The following XPO6 variants were observed in gnomAD, a reference collection of about 807,000 sequenced individuals.
XPO6 encodes the protein exportin 6, also known as exportin-6.
In XPO6, 3 loss-of-function variants were observed where a neutral mutation model predicts 130.0. The ratio of observed to expected loss-of-function variants is 0.02; its 90% CI spans 0.01 to 0.06. The LOEUF (loss-of-function observed/expected upper bound fraction) is 0.06. Among genes scored for constraint, XPO6 ranks in the 10% least tolerant of loss-of-function variants. The pLI is 1.00. For missense variants in XPO6, 970 were observed against 1,393.0 expected (o/e 0.70, Z 4.83); for synonymous variants, 524 against 548.9 (o/e 0.95, Z 0.63).
intron 1 of XPO6, among the ~76,000 whole-genome samples, chr16:28,193,683 C>T (rs575613160): frequency 4.9e-4 from 75 of 152,222 alleles, no homozygotes; most frequent in Non-Finnish European, 8.5e-4. Flanking sequence ...AACAGGTACT[C>T]GGCCAATAAC....
chr16:28,178,504 T>C (rs2043566115), intron 2 of XPO6, among the ~76,000 whole-genome samples: 1 of 151,786 alleles, frequency 6.6e-6, no homozygotes. Context: ...TTGCCCAGGC[T>C]GGTCTTTAAC....
At chr16:28,128,813 C>T (rs1957044299) in intron 12 of XPO6, among the ~76,000 whole-genome samples, 1 of 152,152 alleles carries the variant, frequency 6.6e-6, no homozygotes. Flanking sequence ...TGTGATTGCT[C>T]ATCACCCCTG....
chr16:28,166,512 T>C lies in XPO6; in HGVS notation c.639A>G (p.Glu213=). The C allele has an allele frequency of 6.3e-7, 1 of 1,586,226 alleles. No homozygotes were observed. The change falls in exon 6 of 24, where the codon GAA becomes GAG. Residue 213 remains glutamate, a synonymous_variant. Transcript: ENST00000304658. ...ATPPPSPTSG[E]SGDLLSNLLQ... ...TGGCTGGCAGGCAGACCATACCACT[T>C]TCTCCTGAGGTCGGGGATGGTGGTG...
chr16:28,140,142 G>T (rs1379527215), intron 9 of XPO6, among the ~76,000 whole-genome samples: 1 of 149,908 alleles, frequency 6.7e-6, no homozygotes, highest in Non-Finnish European at 1.5e-5. Context: ...TGAGGCAGGA[G>T]AATCGCTTGA....
intron 4 of XPO6, among the ~76,000 whole-genome samples, chr16:28,174,613 A>C (rs973426409): frequency 3.3e-5 from 5 of 152,234 alleles, no homozygotes; most frequent in Non-Finnish European, 5.9e-5. Context: ...AGCACTGTAC[A>C]AAACAAAACT....
intron 14 of XPO6, among the ~76,000 whole-genome samples, chr16:28,118,130 C>T (rs1426498384): frequency 6.6e-6 from 1 of 152,154 alleles, no homozygotes; most frequent in African/African-American, 2.4e-5. Flanking sequence ...AATTACCTTT[C>T]GGTAATAATT....
intron 23 of XPO6, among the ~76,000 whole-genome samples, chr16:28,098,994 C>T (rs2086593315): frequency 6.6e-6 from 1 of 152,226 alleles, no homozygotes; most frequent in African/African-American, 2.4e-5. Context: ...AAGCTGGCCC[C>T]AGCTCACACT....
rs552817583 is a variant in XPO6, at chr16:28,209,477, T to C, written c.3+1889A>G. On this transcript the variant is annotated intron_variant, in intron 1 of 23. Coordinates refer to ENST00000304658, the MANE Select transcript of XPO6 (RefSeq NM_015171.4). ...CAACATGGTGAAACCCCATCTCTACTAAAAATACAAAATTTAGCCGGGCAT... is the reference window on the plus strand; with the variant it reads ...CAACATGGTGAAACCCCATCTCTACCAAAAATACAAAATTTAGCCGGGCAT... Among the ~76,000 whole-genome samples, 10 of 151,866 alleles carry C rather than the reference T, an allele frequency of 6.6e-5. No individual in the cohort carries two copies. The East Asian group carries it at 1.2e-3, about 18-fold the overall frequency.
intron 7 of XPO6, chr16:28,153,106 G>C: frequency 9.6e-7 from 1 of 1,042,524 alleles, no homozygotes; most frequent in South Asian, 3.2e-5. Flanking sequence ...TTGATGGGCA[G>C]ATCACTGTGT....
chr16:28,113,283 T>TC (rs1236817441), intron 15 of XPO6, among the ~76,000 whole-genome samples: 4 of 152,270 alleles, frequency 2.6e-5, no homozygotes, highest in Non-Finnish European at 5.9e-5. Context: ...TCCTTCACAG[T>TC]CACCAGCAGC....
At chr16:28,148,488 G>C (rs2043024350) in intron 8 of XPO6, among the ~76,000 whole-genome samples, 1 of 152,152 alleles carries the variant, frequency 6.6e-6, no homozygotes, top group Non-Finnish European at 1.5e-5. Context: ...AATGGACCTA[G>C]ACCCCAATTT....
intron 6 of XPO6, among the ~76,000 whole-genome samples, chr16:28,162,476 G>A (rs1596910309): frequency 6.6e-6 from 1 of 151,996 alleles, no homozygotes. Context: ...GCAGCGATAC[G>A]CACCAATGCC....
chr16:28,159,621 CAT>C (rs756813650), intron 6 of XPO6, among the ~76,000 whole-genome samples: 3 of 152,166 alleles, frequency 2.0e-5, no homozygotes, highest in Non-Finnish European at 4.4e-5. Flanking sequence ...CATCAAATTA[CAT>C]AGAGACTCAA....
At chr16:28,125,578 A>G in intron 13 of XPO6, 111 bp downstream of exon 13, 1 of 1,400,482 alleles carries the variant, frequency 7.1e-7, no homozygotes, top group Non-Finnish European at 9.6e-7. Context: ...CAGAGCCTAG[A>G]TTTACCCGGG....
intron 1 of XPO6, among the ~76,000 whole-genome samples, chr16:28,199,290 T>C (rs982524102): frequency 3.3e-5 from 5 of 152,230 alleles, no homozygotes; most frequent in Admixed American, 3.3e-4. Flanking sequence ...CAATTTATCT[T>C]TCTCTAAAAA....
chr16:28,202,246 AAAGT>A (rs1567652534), intron 1 of XPO6, among the ~76,000 whole-genome samples: 1 of 152,234 alleles, frequency 6.6e-6, no homozygotes, highest in East Asian at 1.9e-4. Flanking sequence ...GAGGGACCTC[AAAGT>A]AAGTAAGAAA....
chr16:28,138,628 G>C (rs763857853), intron 9 of XPO6, among the ~76,000 whole-genome samples: 2 of 152,122 alleles, frequency 1.3e-5, no homozygotes, highest in African/African-American at 4.8e-5. Flanking sequence ...CTCAGCAAGA[G>C]AGCACTGGGT....
chr16:28,138,352 T>A (rs181372674), intron 9 of XPO6, among the ~76,000 whole-genome samples: 10 of 152,338 alleles, frequency 6.6e-5, no homozygotes. Flanking sequence ...ATGAATTTTG[T>A]CATCTATAAA....
At chr16:28,153,569 C>T in intron 7 of XPO6, 4 of 985,406 alleles carry the variant, frequency 4.1e-6, no homozygotes, top group East Asian at 1.1e-4. Flanking sequence ...GTATGGGTCA[C>T]AGCTGCAAGG....
Sources: allele counts gnomAD v4.1 joint callset (sites outside exome capture counted in the v4.1 genomes callset), GRCh38; gene constraint gnomAD v4.1.1; transcripts MANE v1.5; gene names NCBI Gene and HGNC (gene_info 2026-07-23, HGNC 2026-07-21).